The following OSBPL10 variants were observed in gnomAD, a reference collection of about 807,000 sequenced individuals.
OSBPL10 encodes the protein oxysterol-binding protein-related protein 10.
A neutral mutation model predicts 81.7 loss-of-function variants in OSBPL10; 49 were observed. That is an observed-to-expected ratio of 0.60 (90% CI 0.48 to 0.76). The LOEUF (loss-of-function observed/expected upper bound fraction) is 0.76, where lower values mean the gene tolerates loss of function less well. Among genes scored for constraint, OSBPL10 ranks in the 30% least tolerant of loss-of-function variants. The probability of loss-of-function intolerance (pLI) is 0.00; values close to 1 mark genes in which losing one functional copy is unlikely to be tolerated. For synonymous variants in OSBPL10, 419 were observed against 383.6 expected (o/e 1.09, Z -1.08); for missense variants, 923 against 987.8 (o/e 0.93, Z 0.88).
At chr3:31,989,699 A>G (rs1188994127) in intron 2 of OSBPL10, 1 of 1,613,822 alleles carries the variant, frequency 6.2e-7, no homozygotes, top group Non-Finnish European at 8.5e-7. Context: ...TCTAATAACT[A>G]TGAAAATAAT....
At chr3:31,935,120 C>A (rs1452958986) in intron 1 of OSBPL10, among the ~76,000 whole-genome samples, 1 of 152,102 alleles carries the variant, frequency 6.6e-6, no homozygotes, top group Non-Finnish European at 1.5e-5. Flanking sequence ...ATCAAGAAAC[C>A]GAAGCTCTCC....
intron 1 of OSBPL10, among the ~76,000 whole-genome samples, chr3:32,067,488 C>A (rs1445973681): frequency 6.6e-6 from 1 of 152,200 alleles, no homozygotes; most frequent in Non-Finnish European, 1.5e-5. Context: ...TGAGCCCAAG[C>A]TAAGCCATCA....
chr3:31,802,070 G>A (rs1325844203), intron 4 of OSBPL10, among the ~76,000 whole-genome samples: 1 of 151,160 alleles, frequency 6.6e-6, no homozygotes, highest in Non-Finnish European at 1.5e-5. Flanking sequence ...TGATCCGTCC[G>A]CCTCGGCCTC....
chr3:31,990,315 C>A, intron 2 of OSBPL10: 1 of 1,614,042 alleles, frequency 6.2e-7, no homozygotes, highest in Non-Finnish European at 8.5e-7. Context: ...ATGCTACAAC[C>A]ATTGCAAATC....
intron 5 of OSBPL10, 105 bp downstream of exon 5, chr3:31,747,805 G>T: frequency 1.7e-6 from 2 of 1,187,524 alleles, no homozygotes; most frequent in Non-Finnish European, 2.5e-6. Flanking sequence ...AAGGATAGAT[G>T]GATGGATCGT....
chr3:31,706,650 A>AAC (rs1293389184), intron 6 of OSBPL10, among the ~76,000 whole-genome samples: 1 of 152,178 alleles, frequency 6.6e-6, no homozygotes. Flanking sequence ...TCTCAATGGG[A>AAC]ACATCAATGT....
intron 2 of OSBPL10, chr3:31,991,009 C>A: frequency 6.5e-7 from 1 of 1,530,864 alleles, no homozygotes; most frequent in South Asian, 1.3e-5. Flanking sequence ...TCAGAAAATT[C>A]ATTCCTGAGA....
chr3:31,773,951 C>T (rs995858264), intron 4 of OSBPL10, among the ~76,000 whole-genome samples: 2 of 152,128 alleles, frequency 1.3e-5, no homozygotes, highest in Non-Finnish European at 2.9e-5. Flanking sequence ...ATCACGAGGT[C>T]AGGAGTTCGA....
At chr3:31,666,157 C>T (rs1289166102) in intron 10 of OSBPL10, among the ~76,000 whole-genome samples, 2 of 152,176 alleles carry the variant, frequency 1.3e-5, no homozygotes, top group East Asian at 1.9e-4. Flanking sequence ...TGGCAGAGGT[C>T]GAGCAAGTGG....
chr3:31,932,719 G>A (rs1697284100), intron 1 of OSBPL10, among the ~76,000 whole-genome samples: 1 of 151,574 alleles, frequency 6.6e-6, no homozygotes, highest in African/African-American at 2.4e-5. Context: ...CTTCTTCTTG[G>A]TGTCAGCAAG....
chr3:32,058,396 C>T (rs1177195473), intron 1 of OSBPL10, among the ~76,000 whole-genome samples: 2 of 152,052 alleles, frequency 1.3e-5, no homozygotes, highest in African/African-American at 2.4e-5. Context: ...GACATGACCT[C>T]GGCTCACTGC....
rs1395094242 is a variant in OSBPL10, at chr3:31,989,206, C to T, written n.298+57285G>A. 2.5e-6 allele frequency: 4 copies of T among 1,613,912 alleles called. No homozygotes were observed. In the South Asian group the frequency reaches 3.3e-5, roughly 13 times the overall value. Reference sequence around the variant, plus strand: ...TTTGGAGGAGTGGAAATGCCTGGACCCTACGCAGAGGGCTTTATACAGGGC... The same window carrying T: ...TTTGGAGGAGTGGAAATGCCTGGACTCTACGCAGAGGGCTTTATACAGGGC... On this transcript the variant is annotated intron_variant and non_coding_transcript_variant, in intron 2 of 3. Coordinates refer to the OSBPL10 transcript ENST00000479173.
chr3:32,057,913 G>A (rs555088998), intron 1 of OSBPL10, among the ~76,000 whole-genome samples: 3 of 152,282 alleles, frequency 2.0e-5, no homozygotes, highest in South Asian at 2.1e-4. Flanking sequence ...TTGAGGAAGG[G>A]CAACCTATGC....
intron 1 of OSBPL10, among the ~76,000 whole-genome samples, chr3:31,907,768 G>C (rs1276886353): frequency 6.6e-6 from 1 of 150,830 alleles, no homozygotes; most frequent in Non-Finnish European, 1.5e-5. Context: ...TTCAATACTT[G>C]TTGATATTCA....
intron 3 of OSBPL10, among the ~76,000 whole-genome samples, chr3:31,870,111 A>C (rs1474835737): frequency 6.6e-6 from 1 of 152,106 alleles, no homozygotes; most frequent in Non-Finnish European, 1.5e-5. Context: ...GCTTGCAGGG[A>C]GGTGTGGAGG....
At chr3:31,743,508 T>C (rs1202613333) in intron 5 of OSBPL10, among the ~76,000 whole-genome samples, 1 of 152,244 alleles carries the variant, frequency 6.6e-6, no homozygotes, top group African/African-American at 2.4e-5. Context: ...TCAGTCTGGC[T>C]GCTCAATGTG....
chr3:31,928,045 C>T (rs578203969), intron 1 of OSBPL10, among the ~76,000 whole-genome samples: 1 of 152,096 alleles, frequency 6.6e-6, no homozygotes, highest in African/African-American at 2.4e-5. Flanking sequence ...GTGTGAACCA[C>T]GACCAGTAAA....
intron 4 of OSBPL10, among the ~76,000 whole-genome samples, chr3:31,750,043 G>A (rs1336763641): frequency 2.0e-5 from 3 of 151,884 alleles, no homozygotes; most frequent in African/African-American, 7.3e-5. Context: ...TAAGCCAGGT[G>A]TGATGGCGGG....
intron 7 of OSBPL10, among the ~76,000 whole-genome samples, chr3:31,691,543 G>A (rs1416905373): frequency 6.6e-6 from 1 of 152,088 alleles, no homozygotes; most frequent in African/African-American, 2.4e-5. Flanking sequence ...GCAAGACCTT[G>A]TTGTCTCTAC....
Sources: gnomAD v4.1 joint callset for allele counts (sites outside exome capture counted in the v4.1 genomes callset) on GRCh38, gnomAD v4.1.1 for gene constraint, MANE v1.5 for transcripts, NCBI Gene and HGNC (gene_info 2026-07-23, HGNC 2026-07-21) for gene names.